The following RGS12 variants were observed in gnomAD, a reference collection of about 807,000 sequenced individuals.
RGS12 encodes regulator of G-protein signaling 12.
Under a neutral mutation model 120.1 loss-of-function variants are expected in RGS12, and 66 were observed. The observed-to-expected ratio is 0.55, with a 90% CI of 0.45 to 0.67. The LOEUF is 0.67. Among genes scored for constraint, RGS12 ranks in the 30% least tolerant of loss-of-function variants. The probability of loss-of-function intolerance (pLI) is 0.00; values close to 1 mark genes in which losing one functional copy is unlikely to be tolerated. For synonymous variants in RGS12, 827 were observed against 804.7 expected (o/e 1.03, Z -0.47); for missense variants, 1,859 against 1,957.7 (o/e 0.95, Z 0.95).
intron 3 of RGS12, among the ~76,000 whole-genome samples, chr4:3,349,264 A>G (rs927172025): frequency 1.3e-5 from 2 of 152,228 alleles, no homozygotes; most frequent in African/African-American, 4.8e-5. Flanking sequence ...TATGACCAAT[A>G]TAGGCCTTCG....
At position 3,317,257 on chromosome 4, in the gene RGS12, T is replaced by C; in HGVS notation, c.1087T>C (p.Cys363Arg). 6.2e-7 allele frequency: 1 copy of C among 1,614,038 alleles called. No homozygotes were observed. ...QGIARRFGFE[C>R]TADPDTNGCL... ...CATTGCTCGGCGGTTTGGGTTTGAG[T>C]GCACGGCCGACCCAGACACCAATGG... is the stretch of plus-strand genomic sequence containing the variant. Residue 363 changes from cysteine to arginine, a missense_variant, in exon 2 of 18, where the codon TGC becomes CGC. Cys to Arg is a radical substitution (Grantham distance 180). This residue lies in a region of RGS12 where 967 missense variants were observed against 994.2 expected (regional missense o/e 0.97). Coordinates refer to ENST00000336727, the MANE Select transcript of RGS12 (RefSeq NM_001394154.1).
intron 4 of RGS12, among the ~76,000 whole-genome samples, chr4:3,412,659 A>G (rs1197991296): frequency 3.3e-5 from 5 of 152,354 alleles, no homozygotes; most frequent in Middle Eastern, 6.8e-3. Flanking sequence ...TGCTGAGAAC[A>G]TTCTGTGAGG....
In RGS12 at chr4:3,423,644, G is replaced by A. The variant is rs747973943; in HGVS notation, c.3234+3G>A. The stretch of plus-strand genomic sequence containing the variant: ...TCAGTGGCCTGCTGGTGAGGCTGGT[G>A]AGTGTTGCACGGGGCCCGGGCGTCG... On this transcript the variant is annotated splice_donor_region_variant and intron_variant, in intron 13 of 17. Transcript: ENST00000336727. 5.0e-6 allele frequency: 8 copies of A among 1,605,564 alleles called. No homozygotes were observed. The highest frequency in any genetic ancestry group is 3.3e-5 in the Admixed American group (2 of 59,972).
chr4:3,291,649 T>C (rs1037843798), upstream of RGS12, among the ~76,000 whole-genome samples: 3 of 152,178 alleles, frequency 2.0e-5, no homozygotes, highest in African/African-American at 7.2e-5. Context: ...GCCTGGCCTC[T>C]TCCCTGGCTC....
chr4:3,299,429 C>T (rs1278389806), intron 1 of RGS12, among the ~76,000 whole-genome samples: 1 of 152,098 alleles, frequency 6.6e-6, no homozygotes, highest in African/African-American at 2.4e-5. Flanking sequence ...GCAGCTCTCT[C>T]CTTTCAGGGG....
chr4:3,418,861 C>T (rs1722696529), intron 9 of RGS12: 1 of 151,984 alleles, frequency 6.6e-6, no homozygotes, highest in African/African-American at 2.4e-5. Context: ...CATCCCCATA[C>T]CTGGCAGATC....
intron 1 of RGS12, among the ~76,000 whole-genome samples, chr4:3,298,194 G>A (rs1723485414): frequency 6.6e-6 from 1 of 152,170 alleles, no homozygotes; most frequent in African/African-American, 2.4e-5. Context: ...CACTCCGTGG[G>A]CCCTTTCAGT....
upstream of RGS12, chr4:3,292,991 C>T (rs1219824000): frequency 6.7e-6 from 1 of 150,064 alleles, no homozygotes; most frequent in African/African-American, 2.4e-5. Flanking sequence ...CGGCCTCGGC[C>T]CCGCCCTCGC....
At chr4:3,310,603 G>T (rs897360327) in intron 1 of RGS12, among the ~76,000 whole-genome samples, 1 of 152,198 alleles carries the variant, frequency 6.6e-6, no homozygotes, top group Non-Finnish European at 1.5e-5. Flanking sequence ...AATGATGGGA[G>T]GTGGCTGGAT....
chr4:3,296,210 G>A (rs375637370), intron 1 of RGS12, among the ~76,000 whole-genome samples: 1 of 152,184 alleles, frequency 6.6e-6, no homozygotes, highest in South Asian at 2.1e-4. Flanking sequence ...TAGAGACAGG[G>A]TCTCACTTTG....
Position 3,416,867 on chromosome 4 carries a change from G to A in RGS12, c.2428-46G>A, listed in dbSNP as rs979392142. On this transcript the variant is annotated intron_variant, in intron 7 of 17. Coordinates refer to ENST00000336727, the MANE Select transcript of RGS12 (RefSeq NM_001394154.1). Reference sequence around the variant, plus strand: ...AGCAGCCTCGCGCCTGAGGCTGCATGTCTGGGTCCCTCCTGTGACTGTCCC... The same window carrying A: ...AGCAGCCTCGCGCCTGAGGCTGCATATCTGGGTCCCTCCTGTGACTGTCCC... 3.2e-6 allele frequency: 5 copies of A among 1,541,550 alleles called. No individual in the cohort carries two copies. In the African/African-American group the frequency reaches 5.4e-5, roughly 17 times the overall value.
At chr4:3,383,453 A>G (rs1165448503) in intron 3 of RGS12, among the ~76,000 whole-genome samples, 1 of 152,118 alleles carries the variant, frequency 6.6e-6, no homozygotes, top group Non-Finnish European at 1.5e-5. Context: ...CAAAAAATAC[A>G]CAAAGTAGCT....
intron 2 of RGS12, among the ~76,000 whole-genome samples, chr4:3,337,541 A>G (rs530545631): frequency 6.6e-6 from 1 of 152,356 alleles, no homozygotes; most frequent in South Asian, 2.1e-4. Context: ...AGCCTTGAAG[A>G]GGAAGGCTAC....
intron 4 of RGS12, among the ~76,000 whole-genome samples, chr4:3,396,977 T>G (rs1445096028): frequency 1.3e-5 from 2 of 152,302 alleles, no homozygotes; most frequent in East Asian, 1.9e-4. Flanking sequence ...TACTCATTCT[T>G]GCTCTCAAAG....
intron 4 of RGS12, among the ~76,000 whole-genome samples, chr4:3,396,910 TG>T (rs199753930): frequency 1.8e-4 from 27 of 150,622 alleles, no homozygotes; most frequent in African/African-American, 6.1e-4. Flanking sequence ...TTTGGACAAT[TG>T]GGGTTTTTTT....
chr4:3,436,845 GCA>G (rs1484034884), intron 17 of RGS12, among the ~76,000 whole-genome samples: 1 of 152,190 alleles, frequency 6.6e-6, no homozygotes, highest in Non-Finnish European at 1.5e-5. Flanking sequence ...AGGCTGGACA[GCA>G]CAGTCGGAGC....
chr4:3,428,493 C>G (rs944758550), intron 15 of RGS12, 65 bp from the exon 16 acceptor site: 2 of 1,364,588 alleles, frequency 1.5e-6, no homozygotes, highest in East Asian at 2.3e-5. Context: ...TACTCTCTAA[C>G]TAATGAATGA....
intron 2 of RGS12, among the ~76,000 whole-genome samples, chr4:3,337,224 G>A (rs1202474046): frequency 2.6e-5 from 4 of 152,170 alleles, no homozygotes; most frequent in Non-Finnish European, 4.4e-5. Context: ...AAAATGACCC[G>A]TGTTGGGCAG....
chr4:3,355,500 A>G (rs186746870), intron 3 of RGS12, among the ~76,000 whole-genome samples: 1 of 152,312 alleles, frequency 6.6e-6, no homozygotes, highest in East Asian at 1.9e-4. Context: ...ATGTGATTGT[A>G]ACAGAAGATC....
Sources: allele counts gnomAD v4.1 joint callset (sites outside exome capture counted in the v4.1 genomes callset), GRCh38; gene constraint gnomAD v4.1.1; regional missense constraint gnomAD v4.1.1; transcripts MANE v1.5; gene names NCBI Gene and HGNC (gene_info 2026-07-23, HGNC 2026-07-21).